LINGO2: variants seen among roughly 807,000 people sequenced by gnomAD.
LINGO2 encodes leucine rich repeat and Ig domain containing 2, also known as leucine-rich repeat and immunoglobulin-like domain-containing nogo receptor-interacting protein 2.
LINGO2 carries 14 observed loss-of-function variants against 30.6 expected under a neutral mutation model. That is an observed-to-expected ratio of 0.46 (90% confidence interval 0.30 to 0.72). LINGO2 has a LOEUF of 0.72. Among genes scored for constraint, LINGO2 ranks in the 30% least tolerant of loss-of-function variants. The pLI, the probability that LINGO2 is intolerant of heterozygous loss-of-function variation, is 0.07. For synonymous variants in LINGO2, 317 were observed against 288.5 expected (o/e 1.10, Z -1.00); for missense variants, 729 against 751.7 (o/e 0.97, Z 0.35).
the LINGO2 span, among the ~76,000 whole-genome samples, chr9:28,866,767 C>A: frequency 6.6e-6 from 1 of 152,042 alleles, no homozygotes; most frequent in African/African-American, 2.4e-5. Context: ...CTTCTATCAC[C>A]GGGGGGTAAA....
chr9:29,083,383 T>C, the LINGO2 span, among the ~76,000 whole-genome samples: 2 of 151,788 alleles, frequency 1.3e-5, no homozygotes, highest in Non-Finnish European at 2.9e-5. Flanking sequence ...AACTGAACAA[T>C]GAGAACACTT....
At chr9:28,227,616 C>T (rs1305868377) in intron 4 of LINGO2, among the ~76,000 whole-genome samples, 1 of 136,738 alleles carries the variant, frequency 7.3e-6, no homozygotes, top group Admixed American at 7.4e-5. Flanking sequence ...ACAAGTAACA[C>T]TTGAAACTCA....
chr9:28,082,495 A>G (rs1401213149), intron 4 of LINGO2, among the ~76,000 whole-genome samples: 2 of 152,178 alleles, frequency 1.3e-5, no homozygotes, highest in Non-Finnish European at 2.9e-5. Context: ...AGCTGTGAGT[A>G]TGATTTCTAG....
chr9:28,605,435 T>C (rs1433236860), intron 1 of LINGO2, among the ~76,000 whole-genome samples: 1 of 151,970 alleles, frequency 6.6e-6, no homozygotes, highest in East Asian at 1.9e-4. Flanking sequence ...CCTGCTTAGT[T>C]TGTCTTTTCC....
the LINGO2 span, among the ~76,000 whole-genome samples, chr9:28,792,785 T>G: frequency 0.041 from 6,284 of 152,224 alleles, 194 homozygotes; most frequent in Admixed American, 0.081. Context: ...AGATTTTGAG[T>G]GGCAGAAAAC....
chr9:28,809,778 T>A, the LINGO2 span, among the ~76,000 whole-genome samples: 5 of 150,672 alleles, frequency 3.3e-5, no homozygotes, highest in Non-Finnish European at 7.4e-5. Context: ...TGGATGATTA[T>A]GTCATTTGCC....
intron 2 of LINGO2, among the ~76,000 whole-genome samples, chr9:28,412,955 TGATAAGGGTAAA>T (rs952265273): frequency 1.9e-4 from 29 of 152,214 alleles, no homozygotes; most frequent in African/African-American, 7.0e-4. Flanking sequence ...AGTGTGAAGA[TGATAAGGGTAAA>T]GATCTTCATG....
chr9:28,216,840 T>C (rs1450993200), intron 4 of LINGO2, among the ~76,000 whole-genome samples: 4 of 151,908 alleles, frequency 2.6e-5, no homozygotes, highest in Non-Finnish European at 5.9e-5. Context: ...AATGGATCTG[T>C]AAGTTAGAAA....
rs137999062 is a variant in LINGO2 at position 28,526,882 on chromosome 9, G to C, written c.-364-50857C>G. Among the ~76,000 whole-genome samples, 4 of 152,150 alleles carry C rather than the reference G, an allele frequency of 2.6e-5. No individual in the cohort carries two copies. In the East Asian group the frequency reaches 7.7e-4, roughly 29 times the overall value. ...TGTATTATTCTAAGAGATTATAGCA[G>C]CTTCCCTAAAAATTATAGGGAATGT... On this transcript the variant is annotated intron_variant, in intron 1 of 5. Coordinates refer to ENST00000379992, the Ensembl canonical transcript of LINGO2.
At chr9:28,962,699 TTTCA>T in the LINGO2 span, among the ~76,000 whole-genome samples, 1 of 151,792 alleles carries the variant, frequency 6.6e-6, no homozygotes, top group African/African-American at 2.4e-5. Context: ...ATTTACTACA[TTTCA>T]TTTATCATAT....
At chr9:29,156,106 T>C in the LINGO2 span, among the ~76,000 whole-genome samples, 6 of 152,256 alleles carry the variant, frequency 3.9e-5, no homozygotes, top group East Asian at 1.2e-3. Flanking sequence ...TACTATAGAT[T>C]GCTCTGGGCA....
chr9:27,940,879 A>T, the LINGO2 span: 1 of 152,144 alleles, frequency 6.6e-6, no homozygotes, highest in Non-Finnish European at 1.5e-5. Context: ...GTTTAAGTAC[A>T]AGTTCTGAAG....
the LINGO2 span, among the ~76,000 whole-genome samples, chr9:28,993,999 T>A: frequency 6.6e-6 from 1 of 151,280 alleles, no homozygotes; most frequent in Non-Finnish European, 1.5e-5. Context: ...TTCAACATAG[T>A]GTTGGAAGTT....
the LINGO2 span, among the ~76,000 whole-genome samples, chr9:28,804,932 G>C: frequency 6.6e-6 from 1 of 152,066 alleles, no homozygotes; most frequent in Non-Finnish European, 1.5e-5. Context: ...AATGACAACT[G>C]AATATATGAA....
In LINGO2 at chr9:28,444,759, C is replaced by T. The variant is rs572760469; in HGVS notation, c.-279+31181G>A. ...CTGTGCCGGTGCCTGAAGCTGCCCA[C>T]CCCACTGCAGCAGCCAGTATGCCTG... On this transcript the variant is annotated intron_variant, in intron 2 of 5. Coordinates refer to ENST00000379992, the Ensembl canonical transcript of LINGO2. 7.9e-5 allele frequency among the ~76,000 whole-genome samples: 12 copies of T among 152,322 alleles called. No individual in the cohort carries two copies. In the South Asian group the frequency reaches 2.3e-3, roughly 29 times the overall value.
At chr9:28,245,723 A>T (rs151167054) in intron 4 of LINGO2, among the ~76,000 whole-genome samples, 2 of 149,194 alleles carry the variant, frequency 1.3e-5, no homozygotes, top group East Asian at 4.0e-4. Flanking sequence ...ATACCTAGGA[A>T]TATAGCTAAG....
At chr9:28,809,385 C>G in the LINGO2 span, among the ~76,000 whole-genome samples, 1 of 152,226 alleles carries the variant, frequency 6.6e-6, no homozygotes, top group Non-Finnish European at 1.5e-5. Flanking sequence ...TAGCCCTTGG[C>G]AAGTTTCCCT....
At chr9:28,709,152 T>C in the LINGO2 span, among the ~76,000 whole-genome samples, 17 of 152,094 alleles carry the variant, frequency 1.1e-4, no homozygotes, top group Admixed American at 6.6e-5. Context: ...CTTCAGGTAA[T>C]AGTGACTATA....
the LINGO2 span, among the ~76,000 whole-genome samples, chr9:29,040,647 A>G: frequency 6.6e-6 from 1 of 152,002 alleles, no homozygotes; most frequent in African/African-American, 2.4e-5. Context: ...TCTAAAAATC[A>G]AAAGTATAAA....
Sources: gnomAD v4.1 joint callset for allele counts (sites outside exome capture counted in the v4.1 genomes callset) on GRCh38, gnomAD v4.1.1 for gene constraint, MANE v1.5 for transcripts, NCBI Gene and HGNC (gene_info 2026-07-23, HGNC 2026-07-21) for gene names.